Variants in WT1 observed in about 807,000 individuals in gnomAD.
WT1 encodes WT1 transcription factor, also known as Wilms tumor protein.
WT1 carries 8 observed loss-of-function variants against 60.8 expected under a neutral mutation model. The ratio of observed to expected loss-of-function variants is 0.13; its 90% CI spans 0.08 to 0.24. The LOEUF (loss-of-function observed/expected upper bound fraction) is 0.24. Ranked by LOEUF, WT1 falls within the 10% of genes least tolerant of loss-of-function variation. The probability of loss-of-function intolerance (pLI) is 1.00; values close to 1 mark genes in which losing one functional copy is unlikely to be tolerated. For missense variants in WT1, 568 were observed against 711.8 expected (o/e 0.80, Z 2.30); for synonymous variants, 312 against 297.1 (o/e 1.05, Z -0.52).
intron 5 of WT1, among the ~76,000 whole-genome samples, chr11:32,413,462 T>C (rs1392109967): frequency 1.3e-5 from 2 of 152,198 alleles, no homozygotes; most frequent in East Asian, 3.8e-4. Context: ...CAGATTGGTC[T>C]CCCCTGGGGA....
chr11:32,409,215 T>A (rs1852418916), intron 5 of WT1, among the ~76,000 whole-genome samples: 1 of 152,210 alleles, frequency 6.6e-6, no homozygotes, highest in Non-Finnish European at 1.5e-5. Context: ...ATCTCTTTAT[T>A]TTAAAAAGTA....
chr11:32,416,625 G>GC (rs1852682280), intron 4 of WT1, 85 bp from the exon 5 acceptor site: 1 of 1,514,730 alleles, frequency 6.6e-7, no homozygotes, highest in African/African-American at 1.4e-5. Flanking sequence ...CCAGTGAAAA[G>GC]CCCCTCAATA....
chr11:32,427,469 G>A (rs1853092514), intron 3 of WT1, among the ~76,000 whole-genome samples: 1 of 152,222 alleles, frequency 6.6e-6, no homozygotes. Context: ...AGGGGCGCTG[G>A]GAACGACGTC....
intron 3 of WT1, among the ~76,000 whole-genome samples, chr11:32,425,607 T>G (rs1006168056): frequency 3.3e-5 from 5 of 152,148 alleles, no homozygotes; most frequent in Non-Finnish European, 7.4e-5. Flanking sequence ...CTTTGAAAAC[T>G]GAATGGAAAT....
At chr11:32,415,810 C>T (rs971598635) in intron 5 of WT1, among the ~76,000 whole-genome samples, 5 of 151,706 alleles carry the variant, frequency 3.3e-5, no homozygotes, top group African/African-American at 4.8e-5. Context: ...AATTTGGGGG[C>T]GGGGGTGAGG....
intron 5 of WT1, among the ~76,000 whole-genome samples, chr11:32,411,883 GA>G (rs142941815): frequency 5.9e-5 from 9 of 151,720 alleles, no homozygotes; most frequent in East Asian, 1.9e-4. Flanking sequence ...CAATAATAAA[GA>G]AAAAAAACTC....
intron 6 of WT1, among the ~76,000 whole-genome samples, chr11:32,398,456 C>T (rs2132949974): frequency 6.6e-6 from 1 of 152,302 alleles, no homozygotes; most frequent in Admixed American, 6.5e-5. Flanking sequence ...CCAAAAGTGT[C>T]TATTGAATTC....
rs5030319 is a variant in WT1 at position 32,388,483 on chromosome 11, GC to G, written c.*574del. ...TTCTTCAGCTGCTTGAAATGCATGA[GC>G]TTTAAAAGTTGCCTGGCAGAACTAC... On this transcript the variant is annotated 3_prime_UTR_variant, in exon 10 of 10. Transcript: ENST00000452863. The G allele has an allele frequency of 9.6e-5, 23 of 239,536 alleles. No homozygotes were observed. The highest frequency in any genetic ancestry group is 2.1e-4 in the Admixed American group (4 of 19,212). The allele number at this position is 239,536 out of a possible 1,614,324, so 14.8% of individuals were successfully genotyped here.
At chr11:32,421,695 T>C (rs1852860164) in intron 3 of WT1, among the ~76,000 whole-genome samples, 2 of 152,218 alleles carry the variant, frequency 1.3e-5, no homozygotes, top group South Asian at 4.1e-4. Context: ...TATTATTAAG[T>C]TCTCGACCTC....
chr11:32,388,756 G>C lies in WT1; in HGVS notation c.*302C>G. 1 of 482,094 alleles carries C rather than the reference G, an allele frequency of 2.1e-6. No individual in the cohort carries two copies. 29.9% of individuals were successfully genotyped at this position (482,094 alleles called of 1,614,324 possible). ...AAGAAGGGAAGGGTCAGGGGGACATGATCAGCTATGGCTCTTCTTACAGTA... is the reference window on the plus strand; with the variant it reads ...AAGAAGGGAAGGGTCAGGGGGACATCATCAGCTATGGCTCTTCTTACAGTA... On this transcript the variant is annotated 3_prime_UTR_variant, in exon 10 of 10. Coordinates refer to ENST00000452863, the MANE Select transcript of WT1 (RefSeq NM_024426.6).
intron 6 of WT1, among the ~76,000 whole-genome samples, chr11:32,396,688 A>G (rs533429001): frequency 4.6e-5 from 7 of 152,344 alleles, no homozygotes; most frequent in African/African-American, 1.7e-4. Context: ...GAGCCTCTGC[A>G]AAAGAAATGC....
At position 32,434,877 on chromosome 11, in the gene WT1, G is replaced by C. The variant is rs770403127; in HGVS notation, c.484C>G (p.Leu162Val). The change falls in exon 1 of 10, where the codon CTG becomes GTG. Residue 162 changes from leucine (L) to valine (V), a missense_variant. This residue lies in a region of WT1 where 523 missense variants were observed against 565.1 expected (regional missense o/e 0.93). Transcript: ENST00000452863. ...GAAAAGTGGACAGTGAAGGCGCTCA[G>C]GCACTGCTCCTCGTGCGGCTCCGCG... 1 of 1,612,490 alleles carries C rather than the reference G, an allele frequency of 6.2e-7. No homozygotes were observed. Among genetic ancestry groups the C allele is most frequent in the Non-Finnish European group, 8.5e-7 (1 of 1,179,832 alleles).
At chr11:32,402,625 A>T (rs958485318) in intron 5 of WT1, among the ~76,000 whole-genome samples, 5 of 152,236 alleles carry the variant, frequency 3.3e-5, no homozygotes, top group African/African-American at 1.2e-4. Flanking sequence ...AGCTCACTGC[A>T]GCCTTGAATT....
chr11:32,411,287 A>C (rs2133009767), intron 5 of WT1, among the ~76,000 whole-genome samples: 1 of 152,346 alleles, frequency 6.6e-6, no homozygotes, highest in Middle Eastern at 3.4e-3. Flanking sequence ...TTGCTTTAAA[A>C]TAAAATAGTT....
intron 3 of WT1, among the ~76,000 whole-genome samples, chr11:32,426,229 G>A (rs2133065646): frequency 6.6e-6 from 1 of 152,274 alleles, no homozygotes; most frequent in Admixed American, 6.5e-5. Context: ...TCTTCTCTCA[G>A]CCTAGTGTGA....
chr11:32,421,030 G>A (rs1415395453), intron 3 of WT1, among the ~76,000 whole-genome samples: 2 of 152,328 alleles, frequency 1.3e-5, no homozygotes, highest in East Asian at 1.9e-4. Context: ...TTTGCTGGCT[G>A]GGGCTCCTCA....
intron 3 of WT1, among the ~76,000 whole-genome samples, chr11:32,422,432 C>T (rs1345501329): frequency 6.6e-6 from 1 of 152,220 alleles, no homozygotes; most frequent in African/African-American, 2.4e-5. Context: ...CACCTTCTGC[C>T]TATCATTGCA....
intron 5 of WT1, among the ~76,000 whole-genome samples, chr11:32,402,409 A>G (rs187074892): frequency 6.6e-6 from 1 of 152,348 alleles, no homozygotes; most frequent in Admixed American, 6.5e-5. Flanking sequence ...GGTGATGACA[A>G]TGGCCATTTG....
chr11:32,418,492 A>C (rs5030194), intron 3 of WT1, among the ~76,000 whole-genome samples: 19,235 of 152,150 alleles, frequency 0.13, 2,198 homozygotes, highest in African/African-American at 0.31. Context: ...GAAATTTGAG[A>C]CCCAAGAGAC....
Sources: allele counts gnomAD v4.1 joint callset (sites outside exome capture counted in the v4.1 genomes callset), GRCh38; gene constraint gnomAD v4.1.1; regional missense constraint gnomAD v4.1.1; transcripts MANE v1.5; gene names NCBI Gene and HGNC (gene_info 2026-07-23, HGNC 2026-07-21).